BRSK2: variants seen among roughly 807,000 people sequenced by gnomAD.
BRSK2 encodes BR serine/threonine kinase 2.
Under a neutral mutation model 83.3 loss-of-function variants are expected in BRSK2, and 19 were observed. The ratio of observed to expected loss-of-function variants is 0.23; its 90% CI spans 0.16 to 0.33. The LOEUF is 0.33. BRSK2 is among the 10% of genes least tolerant of loss of function. The pLI, the probability that BRSK2 is intolerant of heterozygous loss-of-function variation, is 1.00. For synonymous variants in BRSK2, 519 were observed against 435.4 expected (o/e 1.19, Z -2.39); for missense variants, 798 against 1,042.3 (o/e 0.77, Z 3.23).
At chr11:1,453,670 A>C (rs1846085710) in intron 15 of BRSK2, among the ~76,000 whole-genome samples, 1 of 152,198 alleles carries the variant, frequency 6.6e-6, no homozygotes, top group Admixed American at 6.5e-5. Flanking sequence ...GGGCAAGGGA[A>C]AGGGGAGTTG....
intron 2 of BRSK2, among the ~76,000 whole-genome samples, chr11:1,437,737 G>A (rs959131912): frequency 8.5e-5 from 13 of 152,228 alleles, no homozygotes; most frequent in Non-Finnish European, 1.5e-4. Flanking sequence ...AAGGAAGGGC[G>A]GAGCCCAGGC....
intron 1 of BRSK2, chr11:1,411,224 G>A (rs975002197): frequency 4.0e-6 from 5 of 1,254,452 alleles, no homozygotes; most frequent in Non-Finnish European, 5.0e-6. Flanking sequence ...GGTTCTGGAC[G>A]TGCTCTGAGC....
At chr11:1,449,233 C>G (rs1845500133) in intron 12 of BRSK2, among the ~76,000 whole-genome samples, 2 of 152,208 alleles carry the variant, frequency 1.3e-5, no homozygotes, top group African/African-American at 2.4e-5. Flanking sequence ...CCCACCGTCC[C>G]TGCCAGCAGC....
rs985572121 is a variant in BRSK2 at position 1,419,091 on chromosome 11, C to T, written c.92-16949C>T. On this transcript the variant is annotated intron_variant, in intron 1 of 19. Transcript: ENST00000528841. ...CTGGGCACCAGGGTGGGCCTTTGCT[C>T]AGCTGTGTTTGTGGGCTCTGCAGGT... Among the ~76,000 whole-genome samples the T allele has an allele frequency of 1.7e-4, 26 of 151,308 alleles. 2 individuals are homozygous for T. Among genetic ancestry groups the T allele is most frequent in the Admixed American group, 9.2e-4 (14 of 15,220 alleles).
At chr11:1,450,965 C>T (rs1845748370) in intron 14 of BRSK2, among the ~76,000 whole-genome samples, 171 bp downstream of exon 14, 1 of 152,224 alleles carries the variant, frequency 6.6e-6, no homozygotes, top group South Asian at 2.1e-4. Context: ...AGCCTGTGTC[C>T]TACCTGTCGC....
chr11:1,441,048 A>AT, intron 4 of BRSK2, 120 bp downstream of exon 4: 1 of 803,906 alleles, frequency 1.2e-6, no homozygotes, highest in Non-Finnish European at 1.9e-6. Context: ...GAGGTACACC[A>AT]TGCCCCCCAT....
chr11:1,449,701 G>A (rs896042586), intron 12 of BRSK2, 75 bp from the exon 13 acceptor site: 21 of 1,340,452 alleles, frequency 1.6e-5, no homozygotes, highest in South Asian at 2.6e-5. Context: ...GGTTTACCTG[G>A]GGGGAGCAGA....
intron 1 of BRSK2, chr11:1,411,017 G>A (rs879111035): frequency 4.1e-5 from 41 of 1,011,706 alleles, no homozygotes; most frequent in Middle Eastern, 4.6e-4. Context: ...ACAGCCGTGC[G>A]TCTGCCTTTT....
chr11:1,412,835 CGCGTCCCAGGCAACCCT>C (rs1847677336), intron 1 of BRSK2, among the ~76,000 whole-genome samples: 1 of 152,260 alleles, frequency 6.6e-6, no homozygotes, highest in South Asian at 2.1e-4. Flanking sequence ...ACAGCAACCC[CGCGTCCCAGGCAACCCT>C]GCGTCCCAGG....
intron 12 of BRSK2, among the ~76,000 whole-genome samples, chr11:1,448,625 A>G (rs1852537637): frequency 6.6e-6 from 1 of 152,174 alleles, no homozygotes; most frequent in African/African-American, 2.4e-5. Flanking sequence ...CCACAGGTCC[A>G]GGGCCTCACT....
At chr11:1,451,820 G>A (rs568667689) in intron 15 of BRSK2, among the ~76,000 whole-genome samples, 96 of 152,304 alleles carry the variant, frequency 6.3e-4, no homozygotes, top group African/African-American at 1.0e-3. Context: ...GTGCAGGGGC[G>A]GAGCGGAGCA....
rs536354492 is a variant in BRSK2, at chr11:1,414,756, T to C, written c.92-21284T>C. Reference sequence around the variant, plus strand: ...CACACGTTCTCTTGCCCCTCCTCCATCCGTGGGAGCGTGGCCTGCCTTCCG... The same window carrying C: ...CACACGTTCTCTTGCCCCTCCTCCACCCGTGGGAGCGTGGCCTGCCTTCCG... On this transcript the variant is annotated intron_variant, in intron 1 of 19. Coordinates refer to ENST00000528841, the MANE Select transcript of BRSK2 (RefSeq NM_001256627.2). Among the ~76,000 whole-genome samples the C allele has an allele frequency of 2.6e-4, 39 of 152,312 alleles. No individual in the cohort carries two copies. The South Asian group carries it at 7.9e-3, about 31-fold the overall frequency.
intron 19 of BRSK2, 151 bp from the exon 20 acceptor site, chr11:1,460,349 T>A: frequency 1.1e-6 from 1 of 913,190 alleles, no homozygotes; most frequent in Non-Finnish European, 1.5e-6. Flanking sequence ...CATCTCAGCC[T>A]CATCTCTGGG....
At chr11:1,425,944 G>T (rs942125792) in intron 1 of BRSK2, among the ~76,000 whole-genome samples, 6 of 152,200 alleles carry the variant, frequency 3.9e-5, no homozygotes, top group Non-Finnish European at 8.8e-5. Flanking sequence ...GAGCGGATTT[G>T]CGGCCTCATG....
At position 1,461,161 on chromosome 11, in the gene BRSK2, C is replaced by A. The variant is rs941131991; in HGVS notation, c.*438C>A. The A allele has an allele frequency of 2.0e-6, 2 of 1,014,192 alleles. No individual in the cohort carries two copies. Among genetic ancestry groups the A allele is most frequent in the Non-Finnish European group, 2.8e-6 (2 of 719,298 alleles). 62.8% of individuals were successfully genotyped at this position (1,014,192 alleles called of 1,614,324 possible). On this transcript the variant is annotated 3_prime_UTR_variant, in exon 20 of 20. Transcript: ENST00000528841. ...CGGCCCGTGGGAGGAAGGCCAGGCT[C>A]GGGGGAGCCTCCTCCAGCCCGGCCG...
chr11:1,428,763 C>T (rs948805286), intron 1 of BRSK2, among the ~76,000 whole-genome samples: 8 of 152,102 alleles, frequency 5.3e-5, no homozygotes, highest in East Asian at 1.9e-4. Flanking sequence ...GGTATGTGCA[C>T]GAGTGTGTGT....
intron 1 of BRSK2, among the ~76,000 whole-genome samples, chr11:1,420,094 T>C (rs1848502023): frequency 6.6e-6 from 1 of 152,146 alleles, no homozygotes; most frequent in South Asian, 2.1e-4. Context: ...CTTGTGTGAG[T>C]CTCTGGAAGG....
chr11:1,441,274 C>G (rs368514261), intron 4 of BRSK2, among the ~76,000 whole-genome samples: 4 of 45,992 alleles, frequency 8.7e-5, no homozygotes, highest in African/African-American at 3.4e-4. Context: ...CAAGTGCACC[C>G]TCCCCCCCAT....
intron 15 of BRSK2, among the ~76,000 whole-genome samples, chr11:1,453,650 C>G (rs1846083017): frequency 6.6e-6 from 1 of 152,232 alleles, no homozygotes; most frequent in Non-Finnish European, 1.5e-5. Flanking sequence ...GAGGAGGCAG[C>G]TCCAGGAATG....
Sources: allele counts gnomAD v4.1 joint callset (sites outside exome capture counted in the v4.1 genomes callset), GRCh38; gene constraint gnomAD v4.1.1; transcripts MANE v1.5; gene names NCBI Gene and HGNC (gene_info 2026-07-23, HGNC 2026-07-21).